The following PPM1E variants were observed in gnomAD, a reference collection of about 807,000 sequenced individuals.
PPM1E encodes the protein protein phosphatase 1E.
Under a neutral mutation model 65.9 loss-of-function variants are expected in PPM1E, and 20 were observed. The ratio of observed to expected loss-of-function variants is 0.30; its 90% CI spans 0.21 to 0.44. The LOEUF is 0.44. Ranked by LOEUF, PPM1E falls within the 20% of genes least tolerant of loss-of-function variation. PPM1E has a pLI of 1.00. For missense variants in PPM1E, 713 were observed against 953.1 expected (o/e 0.75, Z 3.32); for synonymous variants, 352 against 374.9 (o/e 0.94, Z 0.70).
chr17:58,830,533 C>T (rs1245382349), intron 1 of PPM1E, among the ~76,000 whole-genome samples: 2 of 151,850 alleles, frequency 1.3e-5, no homozygotes, highest in African/African-American at 2.4e-5. Context: ...GTCTCAATCT[C>T]GTGACCTTGT....
At chr17:58,942,804 C>A (rs1299010759) in intron 1 of PPM1E, among the ~76,000 whole-genome samples, 2 of 149,300 alleles carry the variant, frequency 1.3e-5, no homozygotes, top group African/African-American at 5.0e-5. Flanking sequence ...TGCACATGTA[C>A]CCTAAAACTT....
At chr17:58,784,382 T>C (rs1332076348) in intron 1 of PPM1E, among the ~76,000 whole-genome samples, 2 of 152,116 alleles carry the variant, frequency 1.3e-5, no homozygotes, top group Non-Finnish European at 2.9e-5. Context: ...ATAGAGTGAA[T>C]CAAAGTTCAG....
At chr17:58,863,272 A>C (rs572110364) in intron 1 of PPM1E, among the ~76,000 whole-genome samples, 1 of 152,264 alleles carries the variant, frequency 6.6e-6, no homozygotes, top group Non-Finnish European at 1.5e-5. Context: ...CCTTTGTGAG[A>C]CTCATGAAGG....
intron 1 of PPM1E, chr17:58,785,685 C>G (rs540703733): frequency 6.6e-6 from 1 of 151,496 alleles, no homozygotes; most frequent in Admixed American, 6.6e-5. Flanking sequence ...CCACGACCCC[C>G]CCAGTCTTAG....
intron 1 of PPM1E, among the ~76,000 whole-genome samples, chr17:58,817,050 T>TC (rs935346125): frequency 2.8e-4 from 43 of 152,022 alleles, no homozygotes; most frequent in African/African-American, 8.0e-4. Context: ...TGCCTTGGCC[T>TC]CCCAAAGTGC....
At chr17:58,805,962 AAAAAAAAAAAACAAAAAAAAAAC>A (rs1338359650) in intron 1 of PPM1E, among the ~76,000 whole-genome samples, 6 of 86,938 alleles carry the variant, frequency 6.9e-5, no homozygotes, top group African/African-American at 1.1e-4. Flanking sequence ...AAAAAAAAAC[AAAAAAAAAAAACAAAAAAAAAAC>A]AAAACAAAAC....
At chr17:58,842,902 C>T (rs1259023063) in intron 1 of PPM1E, among the ~76,000 whole-genome samples, 5 of 152,014 alleles carry the variant, frequency 3.3e-5, no homozygotes, top group Non-Finnish European at 7.4e-5. Flanking sequence ...CGTGCCATTG[C>T]ACTCCAGCCT....
chr17:58,858,412 A>G (rs773589361), intron 1 of PPM1E, among the ~76,000 whole-genome samples: 1 of 152,090 alleles, frequency 6.6e-6, no homozygotes, highest in Non-Finnish European at 1.5e-5. Context: ...TACTCCTTCT[A>G]TATAGCTGTA....
chr17:58,856,709 T>G (rs1182986055), intron 1 of PPM1E, among the ~76,000 whole-genome samples: 1 of 152,154 alleles, frequency 6.6e-6, no homozygotes, highest in South Asian at 2.1e-4. Flanking sequence ...AAAAAGACCA[T>G]GTGAAGACAG....
At position 58,756,239 on chromosome 17, in the gene PPM1E, A is replaced by G; in HGVS notation, c.242A>G (p.Gln81Arg). The change falls in exon 1 of 7, where the codon CAG becomes CGG. Residue 81 changes from glutamine to arginine, a missense_variant. By Grantham distance (43) the Gln-to-Arg change is conservative. Coordinates refer to ENST00000308249, the MANE Select transcript of PPM1E (RefSeq NM_014906.5). The stretch of plus-strand genomic sequence containing the variant: ...GTAGCCGCGACGGAGGAGGGGGACC[A>G]GGAGCAAGACCCGGAGCCCGAGGAG... ...ATVAATEEGD[Q>R]EQDPEPEEEA... The G allele has an allele frequency of 1.9e-6, 3 of 1,552,534 alleles. No homozygotes were observed. Among genetic ancestry groups the G allele is most frequent in the Non-Finnish European group, 2.6e-6 (3 of 1,147,696 alleles).
At chr17:58,964,160 G>A (rs947231967) in intron 2 of PPM1E, among the ~76,000 whole-genome samples, 2 of 152,136 alleles carry the variant, frequency 1.3e-5, no homozygotes, top group Non-Finnish European at 2.9e-5. Flanking sequence ...GATTGGAGGA[G>A]GCACGTGTAG....
At chr17:58,774,867 T>G (rs1789684198) in intron 1 of PPM1E, among the ~76,000 whole-genome samples, 2 of 152,054 alleles carry the variant, frequency 1.3e-5, no homozygotes, top group African/African-American at 4.8e-5. Context: ...TCTTTTTTTT[T>G]TTTGGAGACT....
intron 1 of PPM1E, among the ~76,000 whole-genome samples, chr17:58,880,171 T>G (rs916260952): frequency 2.6e-5 from 4 of 152,224 alleles, no homozygotes; most frequent in African/African-American, 9.6e-5. Flanking sequence ...GGTCTCAACT[T>G]CATCCTTGAG....
At position 58,769,076 on chromosome 17, in the gene PPM1E, TA is replaced by T. The variant is rs1052265799; in HGVS notation, c.464+12624del. 8.6e-5 allele frequency among the ~76,000 whole-genome samples: 13 copies of T among 151,262 alleles called. No individual in the cohort carries two copies. The South Asian group carries it at 1.5e-3, about 17-fold the overall frequency. ...TATGGCTTATAACAATGGCAAAAATTAAAAAAAAATGCATTATTTTTCACTT... is the reference window on the plus strand; with the variant it reads ...TATGGCTTATAACAATGGCAAAAATTAAAAAAAATGCATTATTTTTCACTT... On this transcript the variant is annotated intron_variant, in intron 1 of 6. Transcript: ENST00000308249.
intron 1 of PPM1E, among the ~76,000 whole-genome samples, chr17:58,786,216 A>G (rs2050099348): frequency 6.6e-6 from 1 of 151,732 alleles, no homozygotes; most frequent in Non-Finnish European, 1.5e-5. Context: ...GGGTTTCACC[A>G]TGTTAGCCAG....
intron 1 of PPM1E, among the ~76,000 whole-genome samples, chr17:58,780,627 A>G (rs2050041367): frequency 6.6e-6 from 1 of 152,146 alleles, no homozygotes; most frequent in Admixed American, 6.6e-5. Context: ...TTTATGTATT[A>G]TGGATATTAG....
rs1598701123 is a variant in PPM1E at position 58,972,743 on chromosome 17, A to C, written c.1117-89A>C. 5.2e-6 allele frequency: 6 copies of C among 1,155,970 alleles called. No homozygotes were observed. The East Asian group carries it at 1.4e-4, about 27-fold the overall frequency. 71.6% of individuals were successfully genotyped at this position (1,155,970 alleles called of 1,614,324 possible). On this transcript the variant is annotated intron_variant, in intron 5 of 6. Transcript: ENST00000308249. ...ACAAAGAGAACCTTTTCATGAGCTG[A>C]TGAGTATTATATCTGTTGTTTACTG... is the stretch of plus-strand genomic sequence containing the variant.
In PPM1E at chr17:58,980,868, C is replaced by A. The variant is rs1325814535; in HGVS notation, c.2105C>A (p.Thr702Asn). 5 of 1,614,172 alleles carry A rather than the reference C, an allele frequency of 3.1e-6. No individual in the cohort carries two copies. The Middle Eastern group carries it at 4.9e-4, about 160-fold the overall frequency. Reference sequence around the variant, plus strand: ...CAAGAGCCTTCCCACAAAATAGGCACTAGCCTGTCCTCACTTACTGGAAGT... The same window carrying A: ...CAAGAGCCTTCCCACAAAATAGGCAATAGCCTGTCCTCACTTACTGGAAGT... ...SAQEPSHKIG[T>N]SLSSLTGSGK... The change falls in exon 7 of 7, where the codon ACT becomes AAT. Residue 702 changes from threonine to asparagine, a missense_variant. By Grantham distance (65) the Thr-to-Asn change is moderately conservative. Transcript: ENST00000308249. The surrounding 1 kb of genome is among the most constrained non-coding windows in gnomAD (Gnocchi z 4.7).
rs927568081 is a variant in PPM1E at position 58,981,866 on chromosome 17, C to T, written c.*835C>T. ...CATCTCAGGAATAAAACTGCTTTAACGGAGATGATGTCAGGTACAAATACA... is the reference window on the plus strand; with the variant it reads ...CATCTCAGGAATAAAACTGCTTTAATGGAGATGATGTCAGGTACAAATACA... On this transcript the variant is annotated 3_prime_UTR_variant, in exon 7 of 7. Coordinates refer to ENST00000308249, the MANE Select transcript of PPM1E (RefSeq NM_014906.5). 2.6e-5 allele frequency: 4 copies of T among 152,504 alleles called. No homozygotes were observed. The highest frequency in any genetic ancestry group is 7.2e-5 in the African/African-American group (3 of 41,382). 9.4% of individuals were successfully genotyped at this position (152,504 alleles called of 1,614,324 possible). A position where few individuals can be genotyped will look rare whatever the true frequency, so the allele number is the denominator to read the frequency against.
Sources: allele counts gnomAD v4.1 joint callset (sites outside exome capture counted in the v4.1 genomes callset), GRCh38; gene constraint gnomAD v4.1.1; non-coding constraint Gnocchi (gnomAD v3.1); transcripts MANE v1.5; gene names NCBI Gene and HGNC (gene_info 2026-07-23, HGNC 2026-07-21).